Variants in CNTLN observed in about 807,000 individuals in gnomAD.
CNTLN encodes centlein.
A neutral mutation model predicts 180.0 loss-of-function variants in CNTLN; 212 were observed. The ratio of observed to expected loss-of-function variants is 1.18; its 90% CI spans 1.05 to 1.32. CNTLN has a LOEUF of 1.32. Among genes scored for constraint, CNTLN ranks in the 40% most tolerant of loss-of-function variants. CNTLN has a pLI of 0.00. For missense variants in CNTLN, 2,095 were observed against 1,610.9 expected (o/e 1.30, Z -5.14); for synonymous variants, 722 against 563.1 (o/e 1.28, Z -3.99).
intron 2 of CNTLN, among the ~76,000 whole-genome samples, chr9:17,188,325 G>A (rs1226614455): frequency 3.3e-5 from 5 of 151,994 alleles, no homozygotes; most frequent in African/African-American, 1.2e-4. Flanking sequence ...TCTACCATGA[G>A]GGTATATATC....
intron 6 of CNTLN, among the ~76,000 whole-genome samples, chr9:17,277,712 A>G (rs1828400212): frequency 6.6e-6 from 1 of 152,106 alleles, no homozygotes; most frequent in Non-Finnish European, 1.5e-5. Flanking sequence ...ATAAAACTTA[A>G]TTGCATCTTT....
At chr9:17,491,713 C>T (rs1468844241) in intron 25 of CNTLN, among the ~76,000 whole-genome samples, 8 of 152,052 alleles carry the variant, frequency 5.3e-5, no homozygotes, top group Non-Finnish European at 1.0e-4. Flanking sequence ...AGACTTTGAT[C>T]AGTGGCTTTT....
intron 25 of CNTLN, chr9:17,494,997 G>A: frequency 2.3e-6 from 1 of 439,814 alleles, no homozygotes; most frequent in Non-Finnish European, 4.5e-6. Flanking sequence ...TTCTGCCTCA[G>A]CCTCCTGAGT....
intron 25 of CNTLN, among the ~76,000 whole-genome samples, chr9:17,493,544 C>G (rs1381451783): frequency 2.0e-5 from 3 of 152,148 alleles, no homozygotes; most frequent in African/African-American, 7.2e-5. Flanking sequence ...GACTCCTATT[C>G]TTGCACCTTG....
intron 8 of CNTLN, among the ~76,000 whole-genome samples, chr9:17,315,569 G>T (rs914753095): frequency 2.0e-5 from 3 of 151,926 alleles, no homozygotes; most frequent in Admixed American, 2.0e-4. Flanking sequence ...TATGACTTCT[G>T]CACATTCTTT....
intron 18 of CNTLN, among the ~76,000 whole-genome samples, chr9:17,429,066 T>C (rs945228703): frequency 2.6e-5 from 4 of 152,174 alleles, no homozygotes; most frequent in African/African-American, 9.6e-5. Context: ...ATATTTGGCT[T>C]TGTATATTTA....
At position 17,235,793 on chromosome 9, in the gene CNTLN, G is replaced by A; in HGVS notation, c.669+1G>A. On this transcript the variant is annotated splice_donor_variant, in intron 4 of 25. Transcript: ENST00000380647. LOFTEE classifies it high-confidence loss of function. ...TAAAGATAAAAGTCAAGAAATTAAG[G>A]TGTGTTGACTTGTACATAGTTTTGT... 2 of 1,604,202 alleles carry A rather than the reference G, an allele frequency of 1.2e-6. No individual in the cohort carries two copies.
At chr9:17,329,060 CTT>C (rs1180722611) in intron 8 of CNTLN, among the ~76,000 whole-genome samples, 2 of 151,910 alleles carry the variant, frequency 1.3e-5, no homozygotes, top group Non-Finnish European at 2.9e-5. Flanking sequence ...CCATTGATGA[CTT>C]AGGAAGTTCA....
At chr9:17,175,484 A>G (rs76769389) in intron 2 of CNTLN, among the ~76,000 whole-genome samples, 3,103 of 152,194 alleles carry the variant, frequency 0.02, 53 homozygotes, top group South Asian at 0.048. Context: ...TTGGTTCTTC[A>G]TTCTGTTCTA....
chr9:17,278,408 A>T (rs906318592), intron 6 of CNTLN, among the ~76,000 whole-genome samples: 3 of 150,522 alleles, frequency 2.0e-5, no homozygotes, highest in African/African-American at 5.0e-5. Flanking sequence ...TCTAAGAAGA[A>T]TTGACATCTT....
At chr9:17,509,895 C>T in the CNTLN span, among the ~76,000 whole-genome samples, 1 of 152,164 alleles carries the variant, frequency 6.6e-6, no homozygotes, top group African/African-American at 2.4e-5. Context: ...GAATTTAAAA[C>T]TGCTGCCTGG....
intron 18 of CNTLN, among the ~76,000 whole-genome samples, chr9:17,435,884 G>A (rs942560344): frequency 1.3e-5 from 2 of 151,950 alleles, no homozygotes; most frequent in African/African-American, 4.8e-5. Context: ...TTTTTTACGG[G>A]CACACTTCCC....
At chr9:17,246,759 A>C (rs1323180682) in intron 5 of CNTLN, among the ~76,000 whole-genome samples, 1 of 152,168 alleles carries the variant, frequency 6.6e-6, no homozygotes, top group East Asian at 1.9e-4. Context: ...GCATCAATAC[A>C]AAGTCCTTCC....
At position 17,206,460 on chromosome 9, in the gene CNTLN, A is replaced by T. The variant is rs532440256; in HGVS notation, c.450-19743A>T. On this transcript the variant is annotated intron_variant, in intron 2 of 25. Coordinates refer to ENST00000380647, the MANE Select transcript of CNTLN (RefSeq NM_017738.4). Reference sequence around the variant, plus strand: ...AGGAGGGGTTTGTGCCTTACTGTATACTGAATGTTATGTGATATACCTAAC... The same window carrying T: ...AGGAGGGGTTTGTGCCTTACTGTATTCTGAATGTTATGTGATATACCTAAC... Among the ~76,000 whole-genome samples the T allele has an allele frequency of 2.6e-5, 4 of 152,286 alleles. No homozygotes were observed. The East Asian group carries it at 7.7e-4, about 29-fold the overall frequency.
chr9:17,436,826 C>T (rs192462144), intron 18 of CNTLN, among the ~76,000 whole-genome samples: 35 of 152,212 alleles, frequency 2.3e-4, no homozygotes, highest in East Asian at 1.5e-3. Context: ...GTGTTCACAC[C>T]GCTAGTAATA....
At chr9:17,368,967 T>C (rs1430874909) in intron 13 of CNTLN, among the ~76,000 whole-genome samples, 1 of 152,148 alleles carries the variant, frequency 6.6e-6, no homozygotes, top group East Asian at 1.9e-4. Flanking sequence ...TATCTAACTT[T>C]TGTATTCCCA....
intron 18 of CNTLN, among the ~76,000 whole-genome samples, chr9:17,446,385 G>C (rs1197094469): frequency 6.6e-6 from 1 of 152,050 alleles, no homozygotes; most frequent in Non-Finnish European, 1.5e-5. Context: ...TCATATTTAG[G>C]ATATATTTAA....
chr9:17,203,776 C>T (rs1021939122), intron 2 of CNTLN, among the ~76,000 whole-genome samples: 1 of 152,178 alleles, frequency 6.6e-6, no homozygotes, highest in Non-Finnish European at 1.5e-5. Context: ...CCAGGATGGT[C>T]TTGATCTCCG....
intron 5 of CNTLN, among the ~76,000 whole-genome samples, chr9:17,267,771 C>T (rs1052279146): frequency 6.6e-6 from 1 of 152,146 alleles, no homozygotes; most frequent in African/African-American, 2.4e-5. Flanking sequence ...CTTCTCTTCT[C>T]ACTTCATTTC....
Sources: gnomAD v4.1 joint callset for allele counts (sites outside exome capture counted in the v4.1 genomes callset) on GRCh38, gnomAD v4.1.1 for gene constraint, MANE v1.5 for transcripts, NCBI Gene and HGNC (gene_info 2026-07-23, HGNC 2026-07-21) for gene names.